The following TMTC1 variants were observed in gnomAD, a reference collection of about 807,000 sequenced individuals.
TMTC1 encodes protein O-mannosyl-transferase TMTC1.
Under a neutral mutation model 104.8 loss-of-function variants are expected in TMTC1, and 73 were observed. The ratio of observed to expected loss-of-function variants is 0.70; its 90% CI spans 0.58 to 0.85. The LOEUF is 0.85. Ranked by LOEUF, TMTC1 falls within the 40% of genes least tolerant of loss-of-function variation. TMTC1 has a pLI of 0.00. For missense variants in TMTC1, 1,035 were observed against 1,096.1 expected (o/e 0.94, Z 0.79); for synonymous variants, 434 against 428.7 (o/e 1.01, Z -0.15).
intron 1 of TMTC1, among the ~76,000 whole-genome samples, chr12:29,769,374 A>G (rs770338852): frequency 9.9e-5 from 15 of 152,226 alleles, no homozygotes; most frequent in Non-Finnish European, 1.6e-4. Context: ...GTATGTTGGC[A>G]GACTCATGAG....
intron 5 of TMTC1, chr12:29,641,299 G>C (rs779032622): frequency 2.0e-5 from 3 of 152,330 alleles, no homozygotes; most frequent in Admixed American, 6.5e-5. Flanking sequence ...CAAAAATAGA[G>C]CATTAAACCA....
chr12:29,613,438 C>T (rs997529921), intron 6 of TMTC1, among the ~76,000 whole-genome samples: 1 of 152,158 alleles, frequency 6.6e-6, no homozygotes, highest in African/African-American at 2.4e-5. Flanking sequence ...GCATAGGTGT[C>T]AGGGCTTTGA....
At chr12:29,682,059 C>T (rs928251721) in intron 5 of TMTC1, among the ~76,000 whole-genome samples, 5 of 151,804 alleles carry the variant, frequency 3.3e-5, no homozygotes, top group African/African-American at 1.2e-4. Context: ...AACTCAACAA[C>T]AACAAAAAAG....
chr12:29,645,652 T>C (rs1340153162), intron 5 of TMTC1, among the ~76,000 whole-genome samples: 1 of 152,168 alleles, frequency 6.6e-6, no homozygotes, highest in African/African-American at 2.4e-5. Flanking sequence ...TTGCCTAAGG[T>C]ATCTTTCTCG....
chr12:29,684,783 C>T (rs11050370), intron 5 of TMTC1, among the ~76,000 whole-genome samples: 20,982 of 152,012 alleles, frequency 0.14, 1,720 homozygotes, highest in East Asian at 0.33. Context: ...ATGGGATCTC[C>T]CCCTCTCCGG....
intron 12 of TMTC1, among the ~76,000 whole-genome samples, chr12:29,518,909 TAGG>T (rs1428074079): frequency 1.3e-5 from 2 of 152,218 alleles, no homozygotes; most frequent in Non-Finnish European, 2.9e-5. Context: ...CTCTTGCTAA[TAGG>T]ATGCCTTCAG....
chr12:29,559,548 A>C (rs1032117038), intron 9 of TMTC1, among the ~76,000 whole-genome samples: 1 of 152,236 alleles, frequency 6.6e-6, no homozygotes, highest in African/African-American at 2.4e-5. Context: ...AAGCGCTATA[A>C]GAGAAAAGGC....
chr12:29,573,467 T>C (rs1185659301), intron 8 of TMTC1, among the ~76,000 whole-genome samples: 1 of 152,086 alleles, frequency 6.6e-6, no homozygotes, highest in East Asian at 1.9e-4. Context: ...GGGGATACAA[T>C]ATGGTTAGAG....
At chr12:29,581,862 A>G (rs940641159) in intron 8 of TMTC1, among the ~76,000 whole-genome samples, 29 of 152,280 alleles carry the variant, frequency 1.9e-4, no homozygotes, top group African/African-American at 7.0e-4. Flanking sequence ...AGTTAGCATG[A>G]GGCAGAAGGA....
intron 5 of TMTC1, among the ~76,000 whole-genome samples, chr12:29,634,578 C>T (rs1344318028): frequency 1.3e-5 from 2 of 152,194 alleles, no homozygotes; most frequent in East Asian, 1.9e-4. Flanking sequence ...GGAGTGAAAT[C>T]GGTGTTCACT....
At chr12:29,566,930 G>A (rs1191512001) in intron 9 of TMTC1, among the ~76,000 whole-genome samples, 1 of 152,186 alleles carries the variant, frequency 6.6e-6, no homozygotes, top group Non-Finnish European at 1.5e-5. Context: ...CCGGCTGCTA[G>A]GAGTGTTGGC....
chr12:29,572,392 G>T (rs759594449), intron 8 of TMTC1, among the ~76,000 whole-genome samples, 174 bp from the exon 9 acceptor site: 1 of 152,162 alleles, frequency 6.6e-6, no homozygotes, highest in African/African-American at 2.4e-5. Context: ...TTTACTAAAC[G>T]TTGCTTTCTA....
At chr12:29,554,137 C>T (rs1945176738) in intron 10 of TMTC1, among the ~76,000 whole-genome samples, 1 of 152,152 alleles carries the variant, frequency 6.6e-6, no homozygotes, top group Non-Finnish European at 1.5e-5. Context: ...CTTATTAAAA[C>T]ACAAATCCTT....
At chr12:29,774,490 T>C (rs748414805) in intron 1 of TMTC1, among the ~76,000 whole-genome samples, 14 of 152,184 alleles carry the variant, frequency 9.2e-5, no homozygotes, top group Non-Finnish European at 2.9e-5. Context: ...CTTTATTATC[T>C]GTTTCTGGTG....
At chr12:29,779,640 C>T (rs1027524113) in intron 1 of TMTC1, among the ~76,000 whole-genome samples, 1 of 151,984 alleles carries the variant, frequency 6.6e-6, no homozygotes, top group Non-Finnish European at 1.5e-5. Flanking sequence ...TCTCAGTATG[C>T]GTAAGATACA....
chr12:29,603,610 A>G (rs1946623487), intron 7 of TMTC1, among the ~76,000 whole-genome samples: 1 of 152,180 alleles, frequency 6.6e-6, no homozygotes, highest in Non-Finnish European at 1.5e-5. Context: ...CATTGGAATA[A>G]GACAAGAGAA....
intron 5 of TMTC1, among the ~76,000 whole-genome samples, chr12:29,750,100 C>A (rs1199345119): frequency 6.6e-6 from 1 of 150,966 alleles, no homozygotes; most frequent in African/African-American, 2.4e-5. Context: ...CACACAAACT[C>A]CAGTATCTTC....
At chr12:29,541,656 C>CTT (rs35079677) in intron 10 of TMTC1, among the ~76,000 whole-genome samples, 1,405 of 115,612 alleles carry the variant, frequency 0.012, 46 homozygotes, top group African/African-American at 0.048. Context: ...TTCACTGTTG[C>CTT]TTTTTTTTTT....
At chr12:29,516,704 A>C (rs765057913) in intron 14 of TMTC1, among the ~76,000 whole-genome samples, 2 of 152,210 alleles carry the variant, frequency 1.3e-5, no homozygotes, top group Non-Finnish European at 2.9e-5. Context: ...TGAGTGGCAG[A>C]AACACTAAAT....
Sources: gnomAD v4.1 joint callset for allele counts (sites outside exome capture counted in the v4.1 genomes callset) on GRCh38, gnomAD v4.1.1 for gene constraint, MANE v1.5 for transcripts, NCBI Gene and HGNC (gene_info 2026-07-23, HGNC 2026-07-21) for gene names.